The following DIP2C variants were observed in gnomAD, a reference collection of about 807,000 sequenced individuals.
The protein encoded by DIP2C is disco-interacting protein 2 homolog C.
DIP2C carries 33 observed loss-of-function variants against 192.4 expected under a neutral mutation model. The observed-to-expected ratio is 0.17, with a 90% CI of 0.13 to 0.23. The LOEUF (loss-of-function observed/expected upper bound fraction) is 0.23, where lower values mean the gene tolerates loss of function less well. Ranked by LOEUF, DIP2C falls within the 10% of genes least tolerant of loss-of-function variation. The pLI, the probability that DIP2C is intolerant of heterozygous loss-of-function variation, is 1.00. For synonymous variants in DIP2C, 979 were observed against 864.1 expected, an observed-to-expected ratio of 1.13 and a Z score of -2.33; for missense variants, 1,537 against 2,110.1, an observed-to-expected ratio of 0.73 and a Z score of 5.32.
At chr10:678,873 G>C (rs202205190) in intron 1 of DIP2C, among the ~76,000 whole-genome samples, 1 of 33,562 alleles carries the variant, frequency 3.0e-5, no homozygotes, top group African/African-American at 1.4e-4. Flanking sequence ...CCACGCCCAT[G>C]CTCCCCGCAC....
intron 4 of DIP2C, among the ~76,000 whole-genome samples, chr10:433,897 C>CTT (rs891670761): frequency 2.7e-5 from 4 of 148,008 alleles, no homozygotes; most frequent in African/African-American, 7.8e-5. Context: ...GCCCTTTTGT[C>CTT]TTTTTTTTTC....
At chr10:341,371 C>T in intron 28 of DIP2C, 42 bp from the exon 29 acceptor site, 1 of 1,611,322 alleles carries the variant, frequency 6.2e-7, no homozygotes, top group Non-Finnish European at 8.5e-7. Flanking sequence ...GGACCTGACA[C>T]CCTCAGACAC....
At chr10:536,478 T>A (rs1444213253) in intron 1 of DIP2C, among the ~76,000 whole-genome samples, 1 of 151,858 alleles carries the variant, frequency 6.6e-6, no homozygotes, top group East Asian at 1.9e-4. Context: ...AAGACCCTGT[T>A]CCCCATAGGG....
At chr10:442,349 G>A (rs1967812166) in intron 3 of DIP2C, among the ~76,000 whole-genome samples, 1 of 151,950 alleles carries the variant, frequency 6.6e-6, no homozygotes, top group Admixed American at 6.6e-5. Context: ...GTCAGCCTTT[G>A]TGCGTACTTC....
chr10:366,632 T>C (rs955136157), intron 18 of DIP2C, among the ~76,000 whole-genome samples: 2 of 152,074 alleles, frequency 1.3e-5, no homozygotes, highest in Admixed American at 6.5e-5. Flanking sequence ...CATCAATAAA[T>C]ATTTCAATTG....
At chr10:438,891 A>C (rs1967490128) in intron 4 of DIP2C, among the ~76,000 whole-genome samples, 1 of 151,888 alleles carries the variant, frequency 6.6e-6, no homozygotes, top group Non-Finnish European at 1.5e-5. Context: ...GTGCCATCTC[A>C]GCTCACGGCA....
chr10:606,457 C>G (rs1302922374), intron 1 of DIP2C, among the ~76,000 whole-genome samples: 1 of 151,830 alleles, frequency 6.6e-6, no homozygotes, highest in Non-Finnish European at 1.5e-5. Context: ...TCTCTCGCCC[C>G]GCTGCGGTAA....
intron 5 of DIP2C, 115 bp from the exon 6 acceptor site, chr10:419,314 TGGA>T (rs1966015749): frequency 5.4e-6 from 8 of 1,480,362 alleles, no homozygotes; most frequent in Non-Finnish European, 5.5e-6. Flanking sequence ...GGGTGTGCCA[TGGA>T]AAGCCAGAGC....
intron 1 of DIP2C, among the ~76,000 whole-genome samples, chr10:678,612 CCGTGCCCATCTCTGCTCCCCA>C: frequency 1.4e-5 from 2 of 146,808 alleles, no homozygotes; most frequent in Non-Finnish European, 3.0e-5. Flanking sequence ...CTCGTGATCC[CCGTGCCCATCTCTGCTCCCCA>C]TGTCCATGCT....
chr10:603,478 G>C (rs541248243), intron 1 of DIP2C, among the ~76,000 whole-genome samples: 2 of 152,136 alleles, frequency 1.3e-5, no homozygotes, highest in Non-Finnish European at 2.9e-5. Flanking sequence ...ATGTGTTAAA[G>C]ACCACTCCCC....
intron 3 of DIP2C, among the ~76,000 whole-genome samples, chr10:469,917 G>A (rs982169445): frequency 6.6e-5 from 10 of 152,176 alleles, no homozygotes; most frequent in African/African-American, 2.4e-4. Flanking sequence ...CAGTATTTCA[G>A]GTGCTTGGCC....
intron 10 of DIP2C, among the ~76,000 whole-genome samples, chr10:394,232 G>A (rs1406553908): frequency 6.6e-6 from 1 of 152,222 alleles, no homozygotes; most frequent in Admixed American, 6.5e-5. Context: ...TCAGCCTTCA[G>A]CGAGGAGGGA....
intron 32 of DIP2C, among the ~76,000 whole-genome samples, chr10:292,574 A>G (rs1955543790): frequency 6.6e-6 from 1 of 152,212 alleles, no homozygotes; most frequent in Admixed American, 6.5e-5. Context: ...GCTAGAAGCG[A>G]CGTCTCGGAA....
At chr10:308,888 G>A (rs373238570) in intron 32 of DIP2C, among the ~76,000 whole-genome samples, 16 of 152,306 alleles carry the variant, frequency 1.1e-4, no homozygotes, top group African/African-American at 3.1e-4. Flanking sequence ...GCCACTGGCC[G>A]TCCCATGCAG....
chr10:442,162 G>C (rs943126930), intron 3 of DIP2C, among the ~76,000 whole-genome samples: 1 of 152,186 alleles, frequency 6.6e-6, no homozygotes, highest in Non-Finnish European at 1.5e-5. Context: ...GAGTGAAGAC[G>C]GGTTGGGGGA....
At position 363,629 on chromosome 10, in the gene DIP2C, G is replaced by A. The variant is rs1355342059; in HGVS notation, c.2478-318C>T. ...AATGATCAGACCTGCTGAAATTTAGGGAGTCACACCCTTCACAGCTCGAGT... is the reference window on the plus strand; with the variant it reads ...AATGATCAGACCTGCTGAAATTTAGAGAGTCACACCCTTCACAGCTCGAGT... On this transcript the variant is annotated intron_variant, in intron 20 of 36. Coordinates refer to ENST00000280886, the MANE Select transcript of DIP2C (RefSeq NM_014974.3). The surrounding 1 kb of genome is among the most constrained non-coding windows in gnomAD (Gnocchi z 5.4). Among the ~76,000 whole-genome samples the A allele has an allele frequency of 6.6e-6, 1 of 152,118 alleles. No homozygotes were observed. The highest frequency in any genetic ancestry group is 1.5e-5 in the Non-Finnish European group (1 of 68,028).
chr10:551,464 C>T (rs1848583393), intron 1 of DIP2C, among the ~76,000 whole-genome samples: 1 of 152,054 alleles, frequency 6.6e-6, no homozygotes, highest in Admixed American at 6.5e-5. Flanking sequence ...AGGCCAATAA[C>T]CTAGCAAGGG....
At chr10:529,433 T>C (rs1847245500) in intron 1 of DIP2C, among the ~76,000 whole-genome samples, 1 of 152,058 alleles carries the variant, frequency 6.6e-6, no homozygotes, top group Non-Finnish European at 1.5e-5. Flanking sequence ...CACGTTGCCA[T>C]GCTCCTGTCA....
intron 1 of DIP2C, among the ~76,000 whole-genome samples, chr10:601,941 G>A (rs1341580316): frequency 1.3e-5 from 2 of 152,170 alleles, no homozygotes; most frequent in African/African-American, 2.4e-5. Flanking sequence ...TGATCAGTGG[G>A]AACCGGCAGT....
Sources: allele counts gnomAD v4.1 joint callset (sites outside exome capture counted in the v4.1 genomes callset), GRCh38; gene constraint gnomAD v4.1.1; non-coding constraint Gnocchi (gnomAD v3.1); transcripts MANE v1.5; gene names NCBI Gene and HGNC (gene_info 2026-07-23, HGNC 2026-07-21).